Variants in PSMA1 observed in about 807,000 individuals in gnomAD.
The protein encoded by PSMA1 is proteasome subunit alpha type-1.
In PSMA1, 3 loss-of-function variants were observed where a neutral mutation model predicts 38.4. The observed-to-expected ratio is 0.08, with a 90% CI of 0.04 to 0.20. PSMA1 has a LOEUF of 0.20. Among genes scored for constraint, PSMA1 ranks in the 10% least tolerant of loss-of-function variants. The pLI is 1.00. For missense variants in PSMA1, 227 were observed against 325.3 expected, an observed-to-expected ratio of 0.70 and a Z score of 2.32; for synonymous variants, 101 against 107.1, an observed-to-expected ratio of 0.94 and a Z score of 0.35.
At chr11:14,560,206 T>C (rs1851992646) in intron 2 of PSMA1, among the ~76,000 whole-genome samples, 1 of 152,186 alleles carries the variant, frequency 6.6e-6, no homozygotes, top group Non-Finnish European at 1.5e-5. Flanking sequence ...ACAGCATTCA[T>C]TACAGCCAAT....
chr11:14,629,931 C>T (rs11023287), intron 1 of PSMA1, among the ~76,000 whole-genome samples: 89,155 of 151,570 alleles, frequency 0.59, 26,528 homozygotes, highest in Middle Eastern at 0.67. Context: ...TTTGAAGCAA[C>T]TGTGAATGGG....
intron 2 of PSMA1, among the ~76,000 whole-genome samples, chr11:14,557,886 T>C (rs1180347169): frequency 6.6e-6 from 1 of 152,120 alleles, no homozygotes; most frequent in Non-Finnish European, 1.5e-5. Flanking sequence ...CACAATTCCA[T>C]CTTCAGAGAC....
intron 2 of PSMA1, among the ~76,000 whole-genome samples, chr11:14,568,001 C>A (rs1205068113): frequency 6.6e-6 from 1 of 152,132 alleles, no homozygotes; most frequent in Non-Finnish European, 1.5e-5. Flanking sequence ...TAAACAGAAA[C>A]ACACATAAAA....
At chr11:14,519,514 TA>T (rs1198978316) in intron 1 of PSMA1, among the ~76,000 whole-genome samples, 1 of 152,206 alleles carries the variant, frequency 6.6e-6, no homozygotes, top group Non-Finnish European at 1.5e-5. Flanking sequence ...TTTTTATGAT[TA>T]GGGACATGTA....
At chr11:14,590,596 G>GT (rs1317357897) in intron 2 of PSMA1, among the ~76,000 whole-genome samples, 1 of 152,158 alleles carries the variant, frequency 6.6e-6, no homozygotes, top group Non-Finnish European at 1.5e-5. Flanking sequence ...TAGAAGTGGG[G>GT]TTGAAACCAC....
chr11:14,621,918 T>C (rs2133711553), intron 1 of PSMA1, among the ~76,000 whole-genome samples: 1 of 152,350 alleles, frequency 6.6e-6, no homozygotes, highest in South Asian at 2.1e-4. Context: ...GACACTATTG[T>C]AAACACTTTC....
chr11:14,514,314 G>T (rs1851392223), intron 5 of PSMA1, 89 bp downstream of exon 5: 1 of 1,437,830 alleles, frequency 7.0e-7, no homozygotes, highest in African/African-American at 1.5e-5. Context: ...TCTTACCTAT[G>T]TCATATTATT....
chr11:14,562,489 G>C (rs1852020847), intron 2 of PSMA1, among the ~76,000 whole-genome samples: 1 of 152,158 alleles, frequency 6.6e-6, no homozygotes, highest in Non-Finnish European at 1.5e-5. Flanking sequence ...GCTCAGAACA[G>C]CTCCTTCAAT....
chr11:14,521,551 A>C (rs1270549213), upstream of PSMA1, among the ~76,000 whole-genome samples: 6 of 151,156 alleles, frequency 4.0e-5, no homozygotes, highest in African/African-American at 1.5e-4. Context: ...TTTGGAAGGC[A>C]GAGGCGGGTG....
intron 1 of PSMA1, among the ~76,000 whole-genome samples, chr11:14,614,258 G>GA (rs1180067167): frequency 6.6e-6 from 1 of 151,914 alleles, no homozygotes; most frequent in African/African-American, 2.4e-5. Flanking sequence ...ACAAACAGAT[G>GA]AAAAACTCTC....
intron 2 of PSMA1, among the ~76,000 whole-genome samples, chr11:14,566,578 T>C (rs1047758613): frequency 1.2e-4 from 18 of 152,166 alleles, no homozygotes; most frequent in African/African-American, 4.3e-4. Context: ...AGGCTGGACA[T>C]TGGCCTGTTG....
upstream of PSMA1, among the ~76,000 whole-genome samples, chr11:14,524,848 A>T (rs1017766364): frequency 2.6e-5 from 4 of 152,108 alleles, no homozygotes; most frequent in African/African-American, 9.7e-5. Flanking sequence ...GCCCACTGGA[A>T]ATCAGACTAT....
chr11:14,620,949 G>T (rs1565060239), intron 1 of PSMA1, among the ~76,000 whole-genome samples: 1 of 152,062 alleles, frequency 6.6e-6, no homozygotes. Flanking sequence ...CAGCTTTAAG[G>T]CCTCTCAAAT....
chr11:14,517,680 G>A lies in PSMA1; in HGVS notation c.216C>T (p.Ile72=). The A allele has an allele frequency of 1.2e-6, 2 of 1,607,494 alleles. No homozygotes were observed. Among genetic ancestry groups the A allele is most frequent in the Non-Finnish European group, 8.5e-7 (1 of 1,178,680 alleles). Residue 72 remains isoleucine, a synonymous_variant, in exon 4 of 10, where the codon ATC becomes ATT. Coordinates refer to ENST00000396394, the MANE Select transcript of PSMA1 (RefSeq NM_002786.4). ...CATCAGCAGTAAGCCCCGCAATTGAGATACCAATATGGTTGTCAACATGGA... is the reference window on the plus strand; with the variant it reads ...CATCAGCAGTAAGCCCCGCAATTGAAATACCAATATGGTTGTCAACATGGA... ...KILHVDNHIG[I]SIAGLTADAR...
chr11:14,574,775 A>G (rs1852192597), intron 2 of PSMA1, among the ~76,000 whole-genome samples: 1 of 152,212 alleles, frequency 6.6e-6, no homozygotes, highest in South Asian at 2.1e-4. Context: ...TTAGCCATGC[A>G]GAACTGTGAG....
At chr11:14,631,543 A>G (rs1414604842) in intron 1 of PSMA1, among the ~76,000 whole-genome samples, 2 of 152,078 alleles carry the variant, frequency 1.3e-5, no homozygotes, top group East Asian at 3.9e-4. Context: ...GTTTGCTATA[A>G]TTTCTGTTCT....
intron 1 of PSMA1, among the ~76,000 whole-genome samples, chr11:14,629,307 C>T (rs1387040326): frequency 3.9e-5 from 6 of 152,190 alleles, no homozygotes; most frequent in South Asian, 2.1e-4. Flanking sequence ...TTAGGTCTAA[C>T]GTTTAAGTCT....
At chr11:14,625,104 T>C (rs568451905) in intron 1 of PSMA1, among the ~76,000 whole-genome samples, 5 of 152,146 alleles carry the variant, frequency 3.3e-5, no homozygotes, top group Non-Finnish European at 7.4e-5. Flanking sequence ...TAAATTTGCA[T>C]AGAGAAGCAG....
intron 2 of PSMA1, among the ~76,000 whole-genome samples, chr11:14,600,913 G>A (rs1852573275): frequency 6.6e-6 from 1 of 152,082 alleles, no homozygotes; most frequent in African/African-American, 2.4e-5. Context: ...TTTCACATTG[G>A]CATTCTTTCC....
Sources: gnomAD v4.1 joint callset for allele counts (sites outside exome capture counted in the v4.1 genomes callset) on GRCh38, gnomAD v4.1.1 for gene constraint, MANE v1.5 for transcripts, NCBI Gene and HGNC (gene_info 2026-07-23, HGNC 2026-07-21) for gene names.